GON4L: variants seen among roughly 807,000 people sequenced by gnomAD.
GON4L encodes the protein GON-4-like protein.
In GON4L, 87 loss-of-function variants were observed where a neutral mutation model predicts 211.8. The ratio of observed to expected loss-of-function variants is 0.41; its 90% CI spans 0.35 to 0.49. GON4L has a LOEUF of 0.49. Among genes scored for constraint, GON4L ranks in the 20% least tolerant of loss-of-function variants. GON4L has a pLI of 0.15. For missense variants in GON4L, 2,155 were observed against 2,659.5 expected (o/e 0.81, Z 4.17); for synonymous variants, 875 against 962.6 (o/e 0.91, Z 1.68).
intron 2 of GON4L, among the ~76,000 whole-genome samples, chr1:155,835,349 G>A (rs1469644268): frequency 1.3e-5 from 2 of 151,828 alleles, no homozygotes; most frequent in Non-Finnish European, 2.9e-5. Flanking sequence ...AGGGTCCTCT[G>A]CCTAGGAAAA....
upstream of GON4L, chr1:155,857,327 T>A (rs1205350483): frequency 6.6e-6 from 1 of 152,396 alleles, no homozygotes; most frequent in Non-Finnish European, 1.5e-5. Flanking sequence ...AGCCACAACG[T>A]TAGTGCGTCA....
At chr1:155,754,582 TGC>T (rs1281430347) in intron 27 of GON4L, 94 bp from the exon 28 acceptor site, 2 of 750,066 alleles carry the variant, frequency 2.7e-6, no homozygotes, top group African/African-American at 3.6e-5. Flanking sequence ...CAGGCTGGGT[TGC>T]AGTGGCACGA....
At chr1:155,798,332 C>T (rs1396772733) in intron 11 of GON4L, among the ~76,000 whole-genome samples, 2 of 149,010 alleles carry the variant, frequency 1.3e-5, no homozygotes, top group Middle Eastern at 3.2e-3. Flanking sequence ...TTCTTTATTT[C>T]TTTAGGAATA....
At chr1:155,775,532 G>T (rs1020436875) in intron 16 of GON4L, among the ~76,000 whole-genome samples, 2 of 150,786 alleles carry the variant, frequency 1.3e-5, no homozygotes, top group African/African-American at 4.9e-5. Context: ...TTGACTCACT[G>T]AAGTCTCCAC....
At chr1:155,820,779 G>C in intron 5 of GON4L, 123 bp from the exon 6 acceptor site, 2 of 736,394 alleles carry the variant, frequency 2.7e-6, no homozygotes, top group South Asian at 2.9e-5. Flanking sequence ...CAAGGAGTTT[G>C]AGACCAGCCT....
chr1:155,816,773 T>TTAAAAA (rs377228820), intron 6 of GON4L, among the ~76,000 whole-genome samples: 4 of 78,078 alleles, frequency 5.1e-5, no homozygotes, highest in Non-Finnish European at 6.9e-5. Context: ...TTTTTTTTCT[T>TTAAAAA]AAAAAAAAAA....
At chr1:155,789,563 C>T (rs747731292) in intron 12 of GON4L, among the ~76,000 whole-genome samples, 1 of 151,660 alleles carries the variant, frequency 6.6e-6, no homozygotes, top group Non-Finnish European at 1.5e-5. Context: ...ATCGCTTGAC[C>T]GCAAGAGTTC....
chr1:155,771,365 C>G, intron 18 of GON4L, 148 bp from the exon 19 acceptor site: 4 of 990,968 alleles, frequency 4.0e-6, no homozygotes, highest in Non-Finnish European at 6.1e-6. Flanking sequence ...GCAGTGGCAC[C>G]ATCGCAGCTC....
rs1664679889 is a variant in GON4L at position 155,784,040 on chromosome 1, T to C, written c.1838A>G (p.Glu613Gly). 6.2e-7 allele frequency: 1 copy of C among 1,614,008 alleles called. No individual in the cohort carries two copies. Among genetic ancestry groups the C allele is most frequent in the Non-Finnish European group, 8.5e-7 (1 of 1,179,986 alleles). Residue 613 changes from glutamate to glycine, a missense_variant, in exon 14 of 32, where the codon GAG becomes GGG. Transcript: ENST00000368331. ...FSNMEDDGPE[E>G]EECVAEPRPN... is the part of the protein sequence containing the mutation. ...ACGAGGCTCAGCTACACACTCCTCC[T>C]CTTCTGGGCCATCATCTTCCATGTT...
chr1:155,745,584 T>A (rs371338989), downstream of GON4L, among the ~76,000 whole-genome samples: 1 of 151,920 alleles, frequency 6.6e-6, no homozygotes, highest in African/African-American at 2.4e-5. Context: ...CGCTCCAGCG[T>A]GGAGCAGGAG....
At chr1:155,837,088 AT>A (rs1670381159) in intron 2 of GON4L, among the ~76,000 whole-genome samples, 1 of 151,964 alleles carries the variant, frequency 6.6e-6, no homozygotes, top group Non-Finnish European at 1.5e-5. Flanking sequence ...GTGCCGTTTC[AT>A]TTTTTTCCTT....
chr1:155,820,663 A>G lies in GON4L; in HGVS notation c.964-7T>C, dbSNP rs1452687640. ...AGCGTGTCATTTTAGGCTCCTAAGGAGAAAAAAACAGAAAGGAAATCCTCA... is the reference window on the plus strand; with the variant it reads ...AGCGTGTCATTTTAGGCTCCTAAGGGGAAAAAAACAGAAAGGAAATCCTCA... On this transcript the variant is annotated splice_region_variant and splice_polypyrimidine_tract_variant and intron_variant, in intron 5 of 31. Coordinates refer to ENST00000368331, the MANE Select transcript of GON4L (RefSeq NM_001282860.2). 1.9e-6 allele frequency: 3 copies of G among 1,592,742 alleles called. 1 individual carries two copies. The highest frequency in any genetic ancestry group is 1.1e-5 in the South Asian group (1 of 90,664).
At chr1:155,855,538 T>C (rs923175630) in intron 1 of GON4L, among the ~76,000 whole-genome samples, 3 of 152,138 alleles carry the variant, frequency 2.0e-5, no homozygotes, top group Non-Finnish European at 4.4e-5. Context: ...TATTTGGGTA[T>C]TGTAGATACT....
Position 155,752,526 on chromosome 1 carries a change from G to C in GON4L, c.5907C>G (p.Leu1969=). The C allele has an allele frequency of 1.2e-6, 2 of 1,600,294 alleles. No individual in the cohort carries two copies. Among genetic ancestry groups the C allele is most frequent in the Admixed American group, 3.5e-5 (2 of 56,892 alleles). Residue 1969 remains leucine, a synonymous_variant, in exon 30 of 32, where the codon CTC becomes CTG. Transcript: ENST00000368331. ...GTGAATGAGGTGGTGGGCCATCCAG[G>C]AGGAGCCGTTCTGTAACAGTCACTT... is the stretch of plus-strand genomic sequence containing the variant. ...PREVTVTERL[L]LDGPPPHSPE...
chr1:155,760,411 G>A, intron 24 of GON4L, 33 bp downstream of exon 24: 1 of 1,351,342 alleles, frequency 7.4e-7, no homozygotes, highest in Non-Finnish European at 1.0e-6. Flanking sequence ...TGACCCAGGA[G>A]TCCCAGTGTA....
At chr1:155,767,225 T>C (rs1477723475) in intron 20 of GON4L, 200 bp downstream of exon 20, 4 of 1,262,654 alleles carry the variant, frequency 3.2e-6, no homozygotes, top group Non-Finnish European at 4.3e-6. Context: ...AGCAAATTAT[T>C]ATTTTACCTA....
intron 11 of GON4L, 55 bp from the exon 12 acceptor site, chr1:155,795,206 A>T: frequency 1.0e-6 from 1 of 961,692 alleles, no homozygotes; most frequent in Non-Finnish European, 1.7e-6. Context: ...AACTTCTAAG[A>T]ATCTGTTCCA....
intron 14 of GON4L, among the ~76,000 whole-genome samples, chr1:155,779,041 C>T (rs822025): frequency 0.53 from 79,997 of 151,352 alleles, 23,209 homozygotes; most frequent in Middle Eastern, 0.69. Flanking sequence ...CAGAGGTGGG[C>T]GGATCACGAG....
rs1172938308 is a variant in GON4L, at chr1:155,765,720, G to A, written c.3753C>T (p.Pro1251=). Residue 1251 remains proline, a synonymous_variant, in exon 21 of 32, where the codon CCC becomes CCT. Coordinates refer to ENST00000368331, the MANE Select transcript of GON4L (RefSeq NM_001282860.2). ...TAGCAGAGAGAGGAGATAGTTCCTG[G>A]GGCTCTAATTTGGGTTCTAGGCCCT... The part of the protein sequence containing the change: ...AFQGLEPKLE[P]QELSPLSATV... 3.7e-6 allele frequency: 6 copies of A among 1,614,136 alleles called. No individual in the cohort carries two copies. The South Asian group carries it at 6.6e-5, about 18-fold the overall frequency.
Sources: allele counts gnomAD v4.1 joint callset (sites outside exome capture counted in the v4.1 genomes callset), GRCh38; gene constraint gnomAD v4.1.1; transcripts MANE v1.5; gene names NCBI Gene and HGNC (gene_info 2026-07-23, HGNC 2026-07-21).